TMEM71: variants seen among roughly 807,000 people sequenced by gnomAD.
TMEM71 encodes transmembrane protein 71.
A neutral mutation model predicts 38.0 loss-of-function variants in TMEM71; 44 were observed. That is an observed-to-expected ratio of 1.16 (90% confidence interval 0.91 to 1.49). TMEM71 has a LOEUF of 1.49. TMEM71 is among the 40% of genes most tolerant of loss of function. The pLI is 0.00. For missense variants in TMEM71, 367 were observed against 348.6 expected, an observed-to-expected ratio of 1.05 and a Z score of -0.42; for synonymous variants, 133 against 122.5, an observed-to-expected ratio of 1.09 and a Z score of -0.56.
chr8:132,707,342 C>T (rs1222094007), downstream of TMEM71, among the ~76,000 whole-genome samples: 7 of 152,042 alleles, frequency 4.6e-5, no homozygotes, highest in African/African-American at 1.4e-4. Context: ...AGCAAGATTT[C>T]GTCTCTTTTT....
chr8:132,752,780 A>G (rs1472191285), intron 3 of TMEM71, among the ~76,000 whole-genome samples: 1 of 150,352 alleles, frequency 6.7e-6, no homozygotes, highest in African/African-American at 2.5e-5. Context: ...GAAAAAAAAA[A>G]GGGAGAGAGA....
At chr8:132,769,753 G>T in the TMEM71 span, among the ~76,000 whole-genome samples, 1 of 152,184 alleles carries the variant, frequency 6.6e-6, no homozygotes, top group Non-Finnish European at 1.5e-5. Context: ...GGACTTCCCA[G>T]CCTCTAGAAC....
the TMEM71 span, among the ~76,000 whole-genome samples, chr8:132,767,442 T>C: frequency 6.6e-6 from 1 of 152,002 alleles, no homozygotes; most frequent in Non-Finnish European, 1.5e-5. Context: ...TCAATATTCA[T>C]GCTTATAATT....
intron 9 of TMEM71, 147 bp from the exon 10 acceptor site, chr8:132,711,129 A>T: frequency 1.4e-6 from 1 of 720,568 alleles, no homozygotes; most frequent in Non-Finnish European, 2.3e-6. Context: ...ACAACTAGGA[A>T]GAGTGCAGCC....
At chr8:132,708,282 T>C (rs539470580), downstream of TMEM71, among the ~76,000 whole-genome samples, 5 of 152,292 alleles carry the variant, frequency 3.3e-5, no homozygotes, top group South Asian at 8.3e-4. Flanking sequence ...CCTGTGCACC[T>C]CTGTCACAGA....
rs1828380476 is a variant in TMEM71 at position 132,746,464 on chromosome 8, C to CATATATATACATATATAT, written c.487+477_487+478insATATATATGTATATATAT. Reference sequence around the variant, plus strand: ...ACATATACATATACATATATATATACATATATATATACATATATATATACA... The same window carrying CATATATATACATATATAT: ...ACATATACATATACATATATATATACATATATATACATATATATATATATATATACATATATATATACA... On this transcript the variant is annotated intron_variant, in intron 5 of 9. Coordinates refer to ENST00000677595, the MANE Select transcript of TMEM71 (RefSeq NM_001382403.1). 3.4e-4 allele frequency among the ~76,000 whole-genome samples: 6 copies of CATATATATACATATATAT among 17,636 alleles called. No individual in the cohort carries two copies. In the South Asian group the frequency reaches 0.019, roughly 57 times the overall value. 11.6% of individuals were successfully genotyped at this position (17,636 alleles called of 152,430 possible).
chr8:132,771,460 T>G, the TMEM71 span, among the ~76,000 whole-genome samples: 2 of 152,158 alleles, frequency 1.3e-5, no homozygotes, highest in African/African-American at 4.8e-5. Flanking sequence ...CTTAGAATCA[T>G]TATTGCCAAG....
chr8:132,725,680 G>A (rs190623048), intron 6 of TMEM71, among the ~76,000 whole-genome samples: 3 of 152,312 alleles, frequency 2.0e-5, no homozygotes, highest in Admixed American at 2.0e-4. Context: ...TCATAGCTTA[G>A]TGAGAAAGAG....
chr8:132,758,603 G>T, intron 2 of TMEM71: 1 of 505,192 alleles, frequency 2.0e-6, no homozygotes, highest in Non-Finnish European at 3.5e-6. Context: ...TTATGCACAG[G>T]CATCTAAAAA....
chr8:132,736,572 G>C (rs952447047), intron 5 of TMEM71, among the ~76,000 whole-genome samples: 1 of 152,216 alleles, frequency 6.6e-6, no homozygotes, highest in Non-Finnish European at 1.5e-5. Context: ...GCTCACACCT[G>C]TAATCCCAGT....
chr8:132,749,999 C>T (rs1338303805), intron 4 of TMEM71, among the ~76,000 whole-genome samples: 10 of 118,518 alleles, frequency 8.4e-5, no homozygotes, highest in Non-Finnish European at 1.5e-4. Flanking sequence ...GGCGAAAGAG[C>T]GAGACTCCAT....
chr8:132,758,998 A>C (rs1829183772), intron 1 of TMEM71, 83 bp from the exon 2 acceptor site: 1 of 810,080 alleles, frequency 1.2e-6, no homozygotes, highest in Non-Finnish European at 2.1e-6. Context: ...TACTAATTGC[A>C]CTAGTCAGAT....
At chr8:132,750,004 C>A (rs1828607564) in intron 4 of TMEM71, among the ~76,000 whole-genome samples, 1 of 112,664 alleles carries the variant, frequency 8.9e-6, no homozygotes, top group Non-Finnish European at 1.9e-5. Flanking sequence ...AAGAGCGAGA[C>A]TCCATCTCAA....
rs560717227 is a variant in TMEM71 at position 132,744,271 on chromosome 8, A to G, written c.487+2671T>C. On this transcript the variant is annotated intron_variant, in intron 5 of 9. Transcript: ENST00000677595. ...TTATAACTACAACTTACTGAGCACC[A>G]GACATTGAACTATGACTGATATTCA... 1.1e-3 allele frequency among the ~76,000 whole-genome samples: 172 copies of G among 152,336 alleles called. 1 individual carries two copies. The highest frequency in any genetic ancestry group is 2.0e-3 in the Non-Finnish European group (138 of 68,030).
intron 5 of TMEM71, among the ~76,000 whole-genome samples, chr8:132,729,981 G>A (rs200804839): frequency 1.3e-5 from 2 of 150,244 alleles, no homozygotes; most frequent in African/African-American, 2.4e-5. Context: ...TTTTTGAGAC[G>A]GAGTTTTGCT....
At chr8:132,755,527 C>A (rs1291589178) in intron 3 of TMEM71, among the ~76,000 whole-genome samples, 1 of 152,138 alleles carries the variant, frequency 6.6e-6, no homozygotes, top group Non-Finnish European at 1.5e-5. Context: ...ACTGACTAGG[C>A]CTTAGAAGAG....
chr8:132,750,393 G>A (rs1327759229), intron 4 of TMEM71, among the ~76,000 whole-genome samples: 1 of 152,178 alleles, frequency 6.6e-6, no homozygotes, highest in Non-Finnish European at 1.5e-5. Context: ...GATGGTAGAA[G>A]ACTGATGCAC....
At chr8:132,723,510 C>T (rs908012145) in intron 6 of TMEM71, among the ~76,000 whole-genome samples, 20 of 152,198 alleles carry the variant, frequency 1.3e-4, no homozygotes, top group African/African-American at 4.8e-4. Flanking sequence ...AGGAAGCCTA[C>T]CTTGATTCTA....
intron 5 of TMEM71, among the ~76,000 whole-genome samples, chr8:132,744,996 C>G (rs562961790): frequency 6.6e-6 from 1 of 152,254 alleles, no homozygotes; most frequent in African/African-American, 2.4e-5. Flanking sequence ...TGGACCTCTA[C>G]CTTTCACCAT....
Sources: allele counts gnomAD v4.1 joint callset (sites outside exome capture counted in the v4.1 genomes callset), GRCh38; gene constraint gnomAD v4.1.1; transcripts MANE v1.5; gene names NCBI Gene and HGNC (gene_info 2026-07-23, HGNC 2026-07-21).